Variants in SRSF11 observed in about 807,000 individuals in gnomAD.
The protein encoded by SRSF11 is serine/arginine-rich splicing factor 11.
A neutral mutation model predicts 56.0 loss-of-function variants in SRSF11; 9 were observed. The observed-to-expected ratio is 0.16, with a 90% CI of 0.10 to 0.28. SRSF11 has a LOEUF of 0.28. SRSF11 is among the 10% of genes least tolerant of loss of function. The pLI, the probability that SRSF11 is intolerant of heterozygous loss-of-function variation, is 1.00. For synonymous variants in SRSF11, 222 were observed against 215.3 expected (o/e 1.03, Z -0.27); for missense variants, 421 against 600.7 (o/e 0.70, Z 3.13).
rs1571982026 is a variant in SRSF11, at chr1:70,251,120, A to G, written c.*315A>G. On this transcript the variant is annotated 3_prime_UTR_variant, in exon 12 of 12. Coordinates refer to ENST00000370949, the MANE Select transcript of SRSF11 (RefSeq NM_001350605.2). ...GCATGGATTGTTTATGTCGTATGAT[A>G]TCCTTTATTAAGTAAGTTCACTTAT... 8.4e-6 allele frequency: 2 copies of G among 236,720 alleles called. No homozygotes were observed. Among genetic ancestry groups the G allele is most frequent in the African/African-American group, 4.5e-5 (2 of 44,744 alleles). 14.7% of individuals were successfully genotyped at this position (236,720 alleles called of 1,614,324 possible).
At chr1:70,231,142 A>G in intron 2 of SRSF11, 1 of 1,289,560 alleles carries the variant, frequency 7.8e-7, no homozygotes, top group Non-Finnish European at 1.0e-6. Flanking sequence ...CCTGCTGAAA[A>G]TACCACCCAA....
intron 1 of SRSF11, among the ~76,000 whole-genome samples, chr1:70,223,840 A>G (rs547897180): frequency 7.1e-4 from 108 of 152,278 alleles, no homozygotes; most frequent in African/African-American, 2.5e-3. Flanking sequence ...AAAAATATTT[A>G]TTCATAACAT....
At chr1:70,224,432 A>G (rs1229520287) in intron 1 of SRSF11, among the ~76,000 whole-genome samples, 1 of 152,076 alleles carries the variant, frequency 6.6e-6, no homozygotes, top group African/African-American at 2.4e-5. Context: ...CCTTAACACT[A>G]CTTTTTTTCT....
intron 3 of SRSF11, among the ~76,000 whole-genome samples, chr1:70,233,798 A>T (rs1416586038): frequency 1.3e-5 from 2 of 152,194 alleles, no homozygotes; most frequent in Non-Finnish European, 2.9e-5. Context: ...TGTCTATTAC[A>T]TTATGGATTA....
Position 70,221,569 on chromosome 1 carries a change from C to T in SRSF11, c.-68C>T, listed in dbSNP as rs867853530. The T allele has an allele frequency of 2.6e-6, 4 of 1,535,164 alleles. No homozygotes were observed. The highest frequency in any genetic ancestry group is 2.6e-6 in the Non-Finnish European group (3 of 1,139,334). On this transcript the variant is annotated 5_prime_UTR_variant, in exon 1 of 12. Transcript: ENST00000370949. ...TCTCTCCCGCAATCCGGTTCCTCTTCCCCCTCCTTCTCACTGTTTGTTGTG... is the reference window on the plus strand; with the variant it reads ...TCTCTCCCGCAATCCGGTTCCTCTTTCCCCTCCTTCTCACTGTTTGTTGTG...
intron 6 of SRSF11, 74 bp downstream of exon 6, chr1:70,237,626 TGA>T: frequency 1.1e-5 from 17 of 1,576,818 alleles, no homozygotes; most frequent in Non-Finnish European, 1.5e-5. Context: ...GGAATTGTGT[TGA>T]GTGACACCCT....
At chr1:70,223,268 A>G (rs890587382) in intron 1 of SRSF11, among the ~76,000 whole-genome samples, 5 of 152,210 alleles carry the variant, frequency 3.3e-5, no homozygotes, top group Non-Finnish European at 7.3e-5. Context: ...TTCCAATCCT[A>G]CAAGTTAAAA....
Position 70,228,547 on chromosome 1 carries a change from A to C in SRSF11, c.329A>C (p.Tyr110Ser), listed in dbSNP as rs1052506704. 2 of 1,612,702 alleles carry C rather than the reference A, an allele frequency of 1.2e-6. No individual in the cohort carries two copies. The highest frequency in any genetic ancestry group is 2.7e-5 in the African/African-American group (2 of 74,874). ...FVDRALIVVP[Y>S]AEGVIPDEAK... ...GACAGAGCTTTGATAGTCGTACCAT[A>C]TGCAGAAGGTTTGTGCTTTGTTTAA... Residue 110 changes from tyrosine (Y) to serine (S), a missense_variant, in exon 2 of 12, where the codon TAT becomes TCT. By Grantham distance (144) the Tyr-to-Ser change is moderately radical. Transcript: ENST00000370949.
chr1:70,232,133 A>G (rs1454713314), intron 2 of SRSF11, 135 bp from the exon 3 acceptor site: 1 of 1,555,078 alleles, frequency 6.4e-7, no homozygotes, highest in East Asian at 2.4e-5. Flanking sequence ...CATAGAAATC[A>G]AGCTTTGTAT....
Position 70,244,799 on chromosome 1 carries a change from A to G in SRSF11, c.916A>G (p.Ser306Gly), listed in dbSNP as rs762860165. 1.9e-6 allele frequency: 3 copies of G among 1,614,140 alleles called. No homozygotes were observed. Among genetic ancestry groups the G allele is most frequent in the Non-Finnish European group, 2.5e-6 (3 of 1,179,998 alleles). Residue 306 changes from serine to glycine, a missense_variant, in exon 8 of 12, where the codon AGC (serine) becomes GGC (glycine). Physicochemically the swap from Ser to Gly is moderately conservative, Grantham distance 56 (BLOSUM62 0). Around this residue, in one of 2 missense-constraint regions of SRSF11, gnomAD observed 253 missense variants for 305.8 expected, o/e 0.83. Transcript: ENST00000370949. ...CAGAGAAAGAGGTAGAAGGTCAAGG[A>G]GCACATCAAAAACAAGGTATAGCAT... ...HSRERGRRSRSTSKTRDKKKE... is the reference protein window; with the variant it reads ...HSRERGRRSRGTSKTRDKKKE...
chr1:70,239,568 A>G (rs373895848), intron 7 of SRSF11, 48 bp downstream of exon 7: 11 of 1,333,996 alleles, frequency 8.2e-6, no homozygotes, highest in African/African-American at 7.5e-5. Flanking sequence ...GATAATTTAT[A>G]TATGTCACAT....
At chr1:70,231,123 AT>A (rs1208058433) in intron 2 of SRSF11, 1 of 1,289,588 alleles carries the variant, frequency 7.8e-7, no homozygotes, top group East Asian at 5.5e-5. Flanking sequence ...CCTGAACTAT[AT>A]ACCAGGCCCT....
intron 5 of SRSF11, among the ~76,000 whole-genome samples, chr1:70,235,992 T>G (rs983383708): frequency 6.6e-6 from 1 of 152,232 alleles, no homozygotes; most frequent in Admixed American, 6.5e-5. Context: ...TCCGACTTGA[T>G]GATGTGACAG....
intron 7 of SRSF11, among the ~76,000 whole-genome samples, chr1:70,241,240 C>T (rs750923681): frequency 1.3e-5 from 2 of 152,170 alleles, no homozygotes; most frequent in African/African-American, 2.4e-5. Flanking sequence ...AGCAGTGTGA[C>T]TTGAATCCTA....
At chr1:70,213,880 T>G (rs1042399873) in intron 1 of SRSF11, among the ~76,000 whole-genome samples, 5 of 152,174 alleles carry the variant, frequency 3.3e-5, no homozygotes, top group Non-Finnish European at 7.4e-5. Flanking sequence ...TATTAATCAC[T>G]CTAGCACCTT....
chr1:70,231,221 A>G (rs1672785520), intron 2 of SRSF11: 1 of 1,236,072 alleles, frequency 8.1e-7, no homozygotes, highest in Non-Finnish European at 1.0e-6. Flanking sequence ...TTATGATGAG[A>G]TGCAGTTTCT....
chr1:70,238,886 G>A (rs1217676442), intron 6 of SRSF11, among the ~76,000 whole-genome samples: 2 of 152,166 alleles, frequency 1.3e-5, no homozygotes, highest in Admixed American at 6.5e-5. Context: ...GGAACCTTTA[G>A]CTAGCTGAGA....
intron 1 of SRSF11, among the ~76,000 whole-genome samples, chr1:70,226,436 G>T (rs1221361019): frequency 1.3e-5 from 2 of 152,082 alleles, no homozygotes; most frequent in African/African-American, 2.4e-5. Context: ...AAAAAAATAT[G>T]AGTCACTTTA....
chr1:70,245,451 T>C (rs1676532119), intron 8 of SRSF11, among the ~76,000 whole-genome samples: 1 of 152,228 alleles, frequency 6.6e-6, no homozygotes, highest in South Asian at 2.1e-4. Flanking sequence ...ATGGGGCTTT[T>C]AGTCCTTATG....
Sources: gnomAD v4.1 joint callset for allele counts (sites outside exome capture counted in the v4.1 genomes callset) on GRCh38, gnomAD v4.1.1 for gene constraint, gnomAD v4.1.1 regional missense constraint, MANE v1.5 for transcripts, NCBI Gene and HGNC (gene_info 2026-07-23, HGNC 2026-07-21) for gene names.